The following FAM107B variants were observed in gnomAD, a reference collection of about 807,000 sequenced individuals.
The protein encoded by FAM107B is protein FAM107B.
A neutral mutation model predicts 31.5 loss-of-function variants in FAM107B; 21 were observed. That is an observed-to-expected ratio of 0.67 (90% CI 0.47 to 0.96). The LOEUF (loss-of-function observed/expected upper bound fraction) is 0.96. FAM107B is among the 40% of genes least tolerant of loss of function. The pLI, the probability that FAM107B is intolerant of heterozygous loss-of-function variation, is 0.00. For missense variants in FAM107B, 452 were observed against 377.1 expected, an observed-to-expected ratio of 1.20 and a Z score of -1.64; for synonymous variants, 157 against 141.5, an observed-to-expected ratio of 1.11 and a Z score of -0.78.
intron 1 of FAM107B, among the ~76,000 whole-genome samples, chr10:14,710,596 G>C (rs143249571): frequency 2.1e-4 from 32 of 152,204 alleles, no homozygotes; most frequent in African/African-American, 7.2e-4. Flanking sequence ...GGTCCCATAA[G>C]AGTATAATCA....
At chr10:14,753,568 G>A (rs1177427725) in intron 1 of FAM107B, among the ~76,000 whole-genome samples, 5 of 152,200 alleles carry the variant, frequency 3.3e-5, no homozygotes, top group Admixed American at 2.6e-4. Flanking sequence ...GTGAAATCGA[G>A]CTCATCTTTT....
chr10:14,667,721 C>T (rs1191556986), intron 1 of FAM107B, 30 bp from the exon 2 acceptor site: 3 of 1,612,672 alleles, frequency 1.9e-6, no homozygotes, highest in African/African-American at 2.7e-5. Context: ...ACCAGAAAAG[C>T]AGGGAGAAAG....
chr10:14,575,947 T>G (rs554672359), intron 2 of FAM107B, among the ~76,000 whole-genome samples: 2 of 152,310 alleles, frequency 1.3e-5, no homozygotes, highest in East Asian at 3.9e-4. Flanking sequence ...TGCTACCACA[T>G]AGACAGGTCT....
chr10:14,766,063 A>G (rs1023822761), intron 1 of FAM107B, among the ~76,000 whole-genome samples: 1 of 152,206 alleles, frequency 6.6e-6, no homozygotes, highest in Non-Finnish European at 1.5e-5. Flanking sequence ...CAACTTCAAG[A>G]CATTGAAATA....
intron 2 of FAM107B, chr10:14,571,942 G>A (rs1851261252): frequency 2.0e-6 from 2 of 985,404 alleles, no homozygotes; most frequent in South Asian, 4.7e-5. Context: ...ATATAGGCAG[G>A]CTCCTTAAGC....
intron 2 of FAM107B, among the ~76,000 whole-genome samples, chr10:14,623,870 G>T (rs372387408): frequency 6.6e-6 from 1 of 152,106 alleles, no homozygotes; most frequent in Admixed American, 6.6e-5. Context: ...TATCTTAAAG[G>T]CATATGAAAC....
intron 1 of FAM107B, among the ~76,000 whole-genome samples, chr10:14,678,051 A>G (rs924207165): frequency 6.6e-6 from 1 of 152,212 alleles, no homozygotes; most frequent in South Asian, 2.1e-4. Context: ...CAGAGAAATC[A>G]TGGAACTTGC....
Position 14,519,110 on chromosome 10 carries a change from A to G in FAM107B, c.*2080T>C, listed in dbSNP as rs550784549. On this transcript the variant is annotated 3_prime_UTR_variant, in exon 5 of 5. Transcript: ENST00000181796. Reference sequence around the variant, plus strand: ...GATTTTGTATTACTAATTACAAATAATTCTGCAGATTTGAGTGAGATTAGG... The same window carrying G: ...GATTTTGTATTACTAATTACAAATAGTTCTGCAGATTTGAGTGAGATTAGG... The G allele has an allele frequency of 1.3e-5, 2 of 152,294 alleles. No individual in the cohort carries two copies. The highest frequency in any genetic ancestry group is 2.1e-4 in the South Asian group (1 of 4,826). The allele number at this position is 152,294 out of a possible 1,614,324, so 9.4% of individuals were successfully genotyped here. A position where few individuals can be genotyped will look rare whatever the true frequency, so the allele number is the denominator to read the frequency against.
chr10:14,740,819 G>T (rs1340570042), intron 1 of FAM107B, among the ~76,000 whole-genome samples: 3 of 152,148 alleles, frequency 2.0e-5, no homozygotes, highest in Admixed American at 6.5e-5. Context: ...GAGTCCTGAT[G>T]ATATCATTTG....
chr10:14,602,107 A>ACACAT (rs1852418664), intron 2 of FAM107B, among the ~76,000 whole-genome samples: 1 of 152,168 alleles, frequency 6.6e-6, no homozygotes, highest in Non-Finnish European at 1.5e-5. Flanking sequence ...GCAGACAGAA[A>ACACAT]CACATCACGA....
chr10:14,637,466 C>T (rs1282733845), intron 2 of FAM107B, among the ~76,000 whole-genome samples: 1 of 152,062 alleles, frequency 6.6e-6, no homozygotes, highest in Non-Finnish European at 1.5e-5. Flanking sequence ...AAAACTTATC[C>T]CTACAAAAAA....
chr10:14,624,262 G>A (rs987207284), intron 2 of FAM107B, among the ~76,000 whole-genome samples: 1 of 152,234 alleles, frequency 6.6e-6, no homozygotes, highest in African/African-American at 2.4e-5. Context: ...GACGTGAGAA[G>A]TGTGGAAGCT....
chr10:14,573,121 C>G (rs1208439309), intron 2 of FAM107B, among the ~76,000 whole-genome samples: 17 of 152,124 alleles, frequency 1.1e-4, no homozygotes, highest in Admixed American at 1.1e-3. Context: ...AGTGCCGCAG[C>G]CCTGCTCAGT....
intron 1 of FAM107B, among the ~76,000 whole-genome samples, chr10:14,741,161 T>C (rs770621950): frequency 6.6e-6 from 1 of 151,846 alleles, no homozygotes; most frequent in Non-Finnish European, 1.5e-5. Flanking sequence ...AGGTGAGGGT[T>C]TGGGGGCAGG....
intron 2 of FAM107B, among the ~76,000 whole-genome samples, chr10:14,599,514 C>G (rs772294058): frequency 1.3e-5 from 2 of 152,152 alleles, no homozygotes; most frequent in Non-Finnish European, 2.9e-5. Flanking sequence ...AACTCACATC[C>G]TTGGTAGGCT....
rs1455058375 is a variant in FAM107B, at chr10:14,572,736, A to ATTTTATAT, written c.470-42222_470-42221insATATAAAA. On this transcript the variant is annotated intron_variant, in intron 2 of 4. Coordinates refer to ENST00000181796, the MANE Select transcript of FAM107B (RefSeq NM_031453.4). ...CCCCATCTCTTCAAAAAAAAAAAAA[A>ATTTTATAT]ATTTATATATATATATATATATATT... 5.7e-4 allele frequency among the ~76,000 whole-genome samples: 49 copies of ATTTTATAT among 86,466 alleles called. 1 individual carries two copies. Among genetic ancestry groups the ATTTTATAT allele is most frequent in the African/African-American group, 1.2e-3 (31 of 24,884 alleles). 56.7% of individuals were successfully genotyped at this position (86,466 alleles called of 152,430 possible).
intron 1 of FAM107B, among the ~76,000 whole-genome samples, chr10:14,770,931 A>C (rs74124711): frequency 7.1e-6 from 1 of 141,484 alleles, no homozygotes; most frequent in Non-Finnish European, 1.5e-5. Flanking sequence ...GAAGATAGAG[A>C]GAGGGGCTTG....
intron 2 of FAM107B, among the ~76,000 whole-genome samples, chr10:14,555,500 T>C (rs1459171811): frequency 1.3e-5 from 2 of 152,242 alleles, no homozygotes; most frequent in Non-Finnish European, 2.9e-5. Flanking sequence ...ACTTCTGTCT[T>C]TAATCTAGTT....
At chr10:14,602,997 TCCCACA>T (rs1429459646) in intron 2 of FAM107B, 1 of 63,784 alleles carries the variant, frequency 1.6e-5, no homozygotes, top group Non-Finnish European at 3.7e-5. Context: ...CCACCCTCTT[TCCCACA>T]CACACACACA....
Sources: gnomAD v4.1 joint callset for allele counts (sites outside exome capture counted in the v4.1 genomes callset) on GRCh38, gnomAD v4.1.1 for gene constraint, MANE v1.5 for transcripts, NCBI Gene and HGNC (gene_info 2026-07-23, HGNC 2026-07-21) for gene names.